Variants in SMYD3 observed in about 807,000 individuals in gnomAD.
SMYD3 encodes the protein histone-lysine N-methyltransferase SMYD3.
SMYD3 carries 36 observed loss-of-function variants against 57.7 expected under a neutral mutation model. The ratio of observed to expected loss-of-function variants is 0.62; its 90% CI spans 0.48 to 0.82. The LOEUF (loss-of-function observed/expected upper bound fraction) is 0.82. SMYD3 is among the 40% of genes least tolerant of loss of function. SMYD3 has a pLI of 0.00. For synonymous variants in SMYD3, 211 were observed against 195.0 expected, an observed-to-expected ratio of 1.08 and a Z score of -0.68; for missense variants, 515 against 538.8, an observed-to-expected ratio of 0.96 and a Z score of 0.44.
At chr1:246,405,227 C>A (rs896129928) in intron 1 of SMYD3, among the ~76,000 whole-genome samples, 2 of 152,156 alleles carry the variant, frequency 1.3e-5, no homozygotes, top group Non-Finnish European at 2.9e-5. Context: ...TCTGGGATTA[C>A]AGGGATGAGC....
chr1:245,770,214 A>G (rs559664907), intron 10 of SMYD3, among the ~76,000 whole-genome samples: 7 of 152,216 alleles, frequency 4.6e-5, no homozygotes, highest in African/African-American at 1.7e-4. Flanking sequence ...AAGATCATGG[A>G]AAGAGTGGAA....
At chr1:246,448,480 A>C (rs2067579678) in intron 1 of SMYD3, among the ~76,000 whole-genome samples, 1 of 152,094 alleles carries the variant, frequency 6.6e-6, no homozygotes, top group African/African-American at 2.4e-5. Flanking sequence ...GAGACTAAAT[A>C]AACAAATGGT....
At chr1:245,899,470 G>A (rs1217321412) in intron 8 of SMYD3, among the ~76,000 whole-genome samples, 1 of 152,204 alleles carries the variant, frequency 6.6e-6, no homozygotes, top group Non-Finnish European at 1.5e-5. Context: ...TGGCTGTCTA[G>A]TGTAATTCTT....
At chr1:246,488,087 T>C (rs1448253858) in intron 1 of SMYD3, among the ~76,000 whole-genome samples, 1 of 152,222 alleles carries the variant, frequency 6.6e-6, no homozygotes, top group East Asian at 1.9e-4. Context: ...CATTAAATCC[T>C]GCTCATTAAA....
chr1:245,881,874 G>A (rs1451781668), intron 8 of SMYD3, among the ~76,000 whole-genome samples: 1 of 152,188 alleles, frequency 6.6e-6, no homozygotes, highest in East Asian at 1.9e-4. Context: ...TTGGACAGAG[G>A]GAAGCCAAGT....
rs552064444 is a variant in SMYD3 at position 246,206,138 on chromosome 1, A to G, written c.531+121063T>C. ...AGGACAACTTCAATTAGATGTGGAA[A>G]TACTAGGGAAAAAAGAGTAGTCTTA... is the stretch of plus-strand genomic sequence containing the variant. On this transcript the variant is annotated intron_variant, in intron 5 of 11. Coordinates refer to ENST00000490107, the MANE Select transcript of SMYD3 (RefSeq NM_001167740.2). Among the ~76,000 whole-genome samples, 284 of 152,290 alleles carry G rather than the reference A, an allele frequency of 1.9e-3. 4 individuals are homozygous for G. Among genetic ancestry groups the G allele is most frequent in the African/African-American group, 6.6e-3 (273 of 41,526 alleles).
chr1:245,884,452 G>A (rs2052970165), intron 8 of SMYD3, among the ~76,000 whole-genome samples: 1 of 152,172 alleles, frequency 6.6e-6, no homozygotes, highest in African/African-American at 2.4e-5. Flanking sequence ...GGTTTTTATA[G>A]ACAAGCTTGA....
chr1:246,474,335 C>T (rs921914920), intron 1 of SMYD3, among the ~76,000 whole-genome samples: 2 of 151,984 alleles, frequency 1.3e-5, no homozygotes, highest in African/African-American at 4.8e-5. Flanking sequence ...CTGGCTAACA[C>T]GGTGAAATCC....
At chr1:246,023,578 G>A (rs916972333) in intron 5 of SMYD3, among the ~76,000 whole-genome samples, 3 of 152,170 alleles carry the variant, frequency 2.0e-5, no homozygotes, top group African/African-American at 4.8e-5. Flanking sequence ...TTTTCACAGT[G>A]TAGAGGATGA....
rs1047972050 is a variant in SMYD3 at position 246,438,000 on chromosome 1, T to C, written c.164+69054A>G. Among the ~76,000 whole-genome samples the C allele has an allele frequency of 9.2e-5, 14 of 152,302 alleles. No homozygotes were observed. The East Asian group carries it at 2.7e-3, about 29-fold the overall frequency. On this transcript the variant is annotated intron_variant, in intron 1 of 11. Transcript: ENST00000490107. ...CCTCATAATTTTGTTTTACAAAATA[T>C]TTTCTCAAATCTCTTGGGAGATTAC...
At chr1:246,155,306 C>A (rs1220712556) in intron 5 of SMYD3, among the ~76,000 whole-genome samples, 2 of 152,134 alleles carry the variant, frequency 1.3e-5, no homozygotes, top group African/African-American at 4.8e-5. Flanking sequence ...TGCTCCACAG[C>A]AAATTCCAAT....
intron 1 of SMYD3, among the ~76,000 whole-genome samples, chr1:246,463,579 A>T (rs2067834376): frequency 7.0e-6 from 1 of 142,882 alleles, no homozygotes; most frequent in African/African-American, 2.6e-5. Context: ...ACACTTTGGG[A>T]GGCCGAGGCG....
intron 5 of SMYD3, among the ~76,000 whole-genome samples, chr1:246,209,594 A>G (rs952369210): frequency 2.1e-4 from 32 of 151,742 alleles, no homozygotes; most frequent in Non-Finnish European, 3.8e-4. Context: ...AAAAAAAAAA[A>G]AGGTAACTGG....
At chr1:245,919,879 A>G (rs929807455) in intron 7 of SMYD3, among the ~76,000 whole-genome samples, 9 of 152,242 alleles carry the variant, frequency 5.9e-5, no homozygotes, top group Non-Finnish European at 1.2e-4. Flanking sequence ...AAAATGCAGT[A>G]AATCATTTCT....
intron 7 of SMYD3, among the ~76,000 whole-genome samples, chr1:245,917,760 A>G (rs1333391305): frequency 1.3e-5 from 2 of 152,188 alleles, no homozygotes; most frequent in African/African-American, 4.8e-5. Context: ...CTTTGCTTTT[A>G]AAAGTAGAAA....
At chr1:246,334,998 A>C (rs2065518395) in intron 3 of SMYD3, among the ~76,000 whole-genome samples, 1 of 152,200 alleles carries the variant, frequency 6.6e-6, no homozygotes, top group Non-Finnish European at 1.5e-5. Context: ...TGCCACAGCC[A>C]CCCCAAAGTT....
At chr1:246,115,323 AAGGT>A (rs758521836) in intron 5 of SMYD3, among the ~76,000 whole-genome samples, 2 of 152,204 alleles carry the variant, frequency 1.3e-5, no homozygotes, top group Non-Finnish European at 2.9e-5. Flanking sequence ...AGAAAACCTC[AAGGT>A]TCAAGGGGTA....
At chr1:246,456,756 A>G (rs532985432) in intron 1 of SMYD3, among the ~76,000 whole-genome samples, 2 of 152,344 alleles carry the variant, frequency 1.3e-5, no homozygotes, top group East Asian at 3.9e-4. Flanking sequence ...GAGAAATCAA[A>G]TATCTATAAT....
intron 1 of SMYD3, among the ~76,000 whole-genome samples, chr1:246,433,445 G>C (rs1460292793): frequency 1.3e-5 from 2 of 152,140 alleles, no homozygotes; most frequent in Non-Finnish European, 2.9e-5. Context: ...AGGATCACTT[G>C]AGGTCAGGAG....
Sources: allele counts gnomAD v4.1 joint callset (sites outside exome capture counted in the v4.1 genomes callset), GRCh38; gene constraint gnomAD v4.1.1; transcripts MANE v1.5; gene names NCBI Gene and HGNC (gene_info 2026-07-23, HGNC 2026-07-21).